Variants in NAA16 observed in about 807,000 individuals in gnomAD.
The protein encoded by NAA16 is NARG1-like protein.
NAA16 carries 97 observed loss-of-function variants against 110.3 expected under a neutral mutation model. The ratio of observed to expected loss-of-function variants is 0.88; its 90% CI spans 0.75 to 1.04. The LOEUF (loss-of-function observed/expected upper bound fraction) is 1.04. Ranked by LOEUF, NAA16 falls within the 50% of genes least tolerant of loss-of-function variation. The pLI is 0.00. For synonymous variants in NAA16, 372 were observed against 330.6 expected, an observed-to-expected ratio of 1.13 and a Z score of -1.36; for missense variants, 1,017 against 1,005.1, an observed-to-expected ratio of 1.01 and a Z score of -0.16.
At chr13:41,368,023 C>T (rs2043241161) in intron 14 of NAA16, among the ~76,000 whole-genome samples, 1 of 152,128 alleles carries the variant, frequency 6.6e-6, no homozygotes, top group South Asian at 2.1e-4. Context: ...CATAGCATGA[C>T]CCCTGTCGCT....
chr13:41,362,980 G>T, intron 13 of NAA16: 1 of 851,082 alleles, frequency 1.2e-6, no homozygotes, highest in Non-Finnish European at 1.5e-6. Context: ...GCTTTTGATG[G>T]GGACTGGAAC....
chr13:41,374,571 T>C, intron 18 of NAA16, 171 bp from the exon 19 acceptor site: 1 of 527,374 alleles, frequency 1.9e-6, no homozygotes, highest in Non-Finnish European at 3.4e-6. Flanking sequence ...TGCTACTGAA[T>C]AGGAGGTAGG....
intron 13 of NAA16, among the ~76,000 whole-genome samples, chr13:41,365,827 T>C (rs2043197151): frequency 6.6e-6 from 1 of 152,156 alleles, no homozygotes; most frequent in East Asian, 1.9e-4. Flanking sequence ...TGACTTAAAA[T>C]CTCTGTCTAT....
chr13:41,355,193 C>A lies in NAA16; in HGVS notation c.1064C>A (p.Thr355Lys). 1 of 1,587,280 alleles carries A rather than the reference C, an allele frequency of 6.3e-7. No individual in the cohort carries two copies. Among genetic ancestry groups the A allele is most frequent in the South Asian group, 1.2e-5 (1 of 86,524 alleles). The change falls in exon 10 of 20, where the codon ACG (threonine) becomes AAG (lysine). Residue 355 changes from threonine (T) to lysine (K), a missense_variant. Thr to Lys is a moderately conservative substitution (Grantham distance 78, BLOSUM62 -1). Coordinates refer to ENST00000379406, the MANE Select transcript of NAA16 (RefSeq NM_024561.5). ...LVTNYEASLK[T>K]CDFFSPYENG... is the part of the protein sequence containing the mutation. ...ACTAATTATGAAGCCTCTCTTAAAA[C>A]GTGTGACTTTTTTAGCCCATATGGT...
chr13:41,371,524 T>C (rs1284780407), intron 15 of NAA16, among the ~76,000 whole-genome samples: 2 of 152,188 alleles, frequency 1.3e-5, no homozygotes, highest in African/African-American at 4.8e-5. Flanking sequence ...AACATGAAGA[T>C]AAGGATGATG....
intron 17 of NAA16, chr13:41,373,102 T>A: frequency 1.1e-6 from 1 of 922,460 alleles, no homozygotes; most frequent in Non-Finnish European, 1.3e-6. Context: ...ATAATTTACA[T>A]AGTTAAATGA....
intron 4 of NAA16, among the ~76,000 whole-genome samples, chr13:41,321,800 G>A (rs2041953785): frequency 6.6e-6 from 1 of 151,912 alleles, no homozygotes; most frequent in Non-Finnish European, 1.5e-5. Context: ...AGGCCACTAG[G>A]TTCTAACAGT....
chr13:41,373,239 AG>A, intron 17 of NAA16: 3 of 804,288 alleles, frequency 3.7e-6, no homozygotes, highest in Non-Finnish European at 4.5e-6. Flanking sequence ...TTAATAATAA[AG>A]GTTTTTTGTT....
Position 41,328,776 on chromosome 13 carries a change from A to G in NAA16, c.744A>G (p.Lys248=). 1.9e-6 allele frequency: 3 copies of G among 1,608,936 alleles called. No homozygotes were observed. The highest frequency in any genetic ancestry group is 2.6e-6 in the Non-Finnish European group (3 of 1,175,812). The part of the protein sequence containing the change: ...GRLKEASEVF[K]NLIDRNAENW... ...TAAAAGAAGCCAGTGAAGTGTTCAA[A>G]AACTTGATTGATCGAAATGCAGAAA... is the stretch of plus-strand genomic sequence containing the variant. Residue 248 remains lysine (K), a synonymous_variant, in exon 7 of 20, where the codon AAA becomes AAG. Transcript: ENST00000379406.
chr13:41,369,354 A>G, intron 15 of NAA16, 71 bp downstream of exon 15: 11 of 1,298,262 alleles, frequency 8.5e-6, no homozygotes, highest in South Asian at 1.9e-5. Context: ...GACAGTTAAC[A>G]TGATTTATTT....
At chr13:41,372,146 G>A in intron 15 of NAA16, 57 bp from the exon 16 acceptor site, 2 of 1,332,794 alleles carry the variant, frequency 1.5e-6, no homozygotes, top group Non-Finnish European at 2.0e-6. Context: ...AAATTTTAGG[G>A]GAAATTTGAC....
At chr13:41,363,842 A>G (rs1421809093) in intron 13 of NAA16, among the ~76,000 whole-genome samples, 2 of 152,134 alleles carry the variant, frequency 1.3e-5, no homozygotes, top group African/African-American at 4.8e-5. Flanking sequence ...TAAACAAGAA[A>G]AGAACCTACT....
At chr13:41,338,092 G>T (rs1281504067) in intron 9 of NAA16, among the ~76,000 whole-genome samples, 1 of 152,198 alleles carries the variant, frequency 6.6e-6, no homozygotes, top group Non-Finnish European at 1.5e-5. Context: ...CCCGGTGCCT[G>T]CCAATAATTT....
At chr13:41,311,812 A>T (rs1000515592) in intron 1 of NAA16, among the ~76,000 whole-genome samples, 7 of 150,054 alleles carry the variant, frequency 4.7e-5, no homozygotes, top group Non-Finnish European at 7.4e-5. Flanking sequence ...GGCTCGCCTC[A>T]CCCCCGCCGC....
intron 12 of NAA16, among the ~76,000 whole-genome samples, chr13:41,359,174 T>TA (rs1172531707): frequency 1.3e-5 from 2 of 152,160 alleles, no homozygotes; most frequent in Non-Finnish European, 2.9e-5. Context: ...AGGGGATGGT[T>TA]AAAAAACAAT....
intron 13 of NAA16, chr13:41,362,839 C>G: frequency 7.8e-7 from 1 of 1,289,140 alleles, no homozygotes; most frequent in Non-Finnish European, 1.0e-6. Flanking sequence ...TGTTCCCATC[C>G]TGACGCAGTA....
intron 7 of NAA16, among the ~76,000 whole-genome samples, chr13:41,329,304 G>T (rs2042173385): frequency 6.6e-6 from 1 of 151,916 alleles, no homozygotes; most frequent in Non-Finnish European, 1.5e-5. Flanking sequence ...AATTTGTGTA[G>T]AGCAAAATGT....
Position 41,375,656 on chromosome 13 carries a change from T to G in NAA16, c.*54T>G. ...CTCAAAGCTGAATTGAGATCAGGGT[T>G]TCTTTTCCAGGGTGCATTTTAATAT... On this transcript the variant is annotated 3_prime_UTR_variant, in exon 20 of 20. Coordinates refer to ENST00000379406, the MANE Select transcript of NAA16 (RefSeq NM_024561.5). 2 of 1,386,428 alleles carry G rather than the reference T, an allele frequency of 1.4e-6. No individual in the cohort carries two copies. The highest frequency in any genetic ancestry group is 2.0e-6 in the Non-Finnish European group (2 of 1,018,500). 85.9% of individuals were successfully genotyped at this position (1,386,428 alleles called of 1,614,324 possible). A position where few individuals can be genotyped will look rare whatever the true frequency, so the allele number is the denominator to read the frequency against.
intron 10 of NAA16, among the ~76,000 whole-genome samples, chr13:41,355,653 T>TACCTG (rs2042963196): frequency 6.6e-6 from 1 of 151,994 alleles, no homozygotes; most frequent in Non-Finnish European, 1.5e-5. Flanking sequence ...TGGTCTCGAA[T>TACCTG]ACCTGACCTC....
Sources: gnomAD v4.1 joint callset for allele counts (sites outside exome capture counted in the v4.1 genomes callset) on GRCh38, gnomAD v4.1.1 for gene constraint, MANE v1.5 for transcripts, NCBI Gene and HGNC (gene_info 2026-07-23, HGNC 2026-07-21) for gene names.